KCND2: variants seen among roughly 807,000 people sequenced by gnomAD.
KCND2 encodes the protein potassium voltage-gated channel subfamily D member 2.
KCND2 carries 16 observed loss-of-function variants against 54.4 expected under a neutral mutation model. The observed-to-expected ratio is 0.29, with a 90% CI of 0.20 to 0.45. KCND2 has a LOEUF of 0.45. Ranked by LOEUF, KCND2 falls within the 20% of genes least tolerant of loss-of-function variation. The probability of loss-of-function intolerance (pLI) is 1.00; values close to 1 mark genes in which losing one functional copy is unlikely to be tolerated. For synonymous variants in KCND2, 317 were observed against 310.7 expected (o/e 1.02, Z -0.21); for missense variants, 486 against 824.2 (o/e 0.59, Z 5.02).
At chr7:120,335,932 A>G (rs1800145578) in intron 1 of KCND2, among the ~76,000 whole-genome samples, 1 of 152,212 alleles carries the variant, frequency 6.6e-6, no homozygotes, top group Non-Finnish European at 1.5e-5. Flanking sequence ...TTTTTCTAGT[A>G]TGCTCAAATA....
At chr7:120,650,420 C>CT (rs201829765) in intron 1 of KCND2, among the ~76,000 whole-genome samples, 45,145 of 142,148 alleles carry the variant, frequency 0.32, 14,514 homozygotes, top group African/African-American at 0.7. Flanking sequence ...GCTACTGAAG[C>CT]TGTGCATTTG....
At chr7:120,657,000 A>G (rs539291463) in intron 1 of KCND2, among the ~76,000 whole-genome samples, 1 of 152,320 alleles carries the variant, frequency 6.6e-6, no homozygotes, top group East Asian at 1.9e-4. Flanking sequence ...TCACATCCCA[A>G]GAAAACTTTT....
At chr7:120,273,124 G>A (rs1050700746), upstream of KCND2, among the ~76,000 whole-genome samples, 7 of 152,190 alleles carry the variant, frequency 4.6e-5, no homozygotes, top group Non-Finnish European at 7.3e-5. Flanking sequence ...GAGCCCGAGG[G>A]GGCGGGGGCG....
At chr7:120,480,180 G>A (rs925659858) in intron 1 of KCND2, among the ~76,000 whole-genome samples, 2 of 151,872 alleles carry the variant, frequency 1.3e-5, no homozygotes, top group Admixed American at 6.6e-5. Flanking sequence ...TTAAAATGTA[G>A]GCTAGAGATT....
At chr7:120,523,225 T>G (rs1371062410) in intron 1 of KCND2, among the ~76,000 whole-genome samples, 3 of 152,152 alleles carry the variant, frequency 2.0e-5, no homozygotes, top group Non-Finnish European at 4.4e-5. Flanking sequence ...GCTAAATGCT[T>G]TAACATTAAC....
intron 1 of KCND2, among the ~76,000 whole-genome samples, chr7:120,290,229 T>C (rs1276078319): frequency 6.6e-6 from 1 of 152,014 alleles, no homozygotes; most frequent in Non-Finnish European, 1.5e-5. Context: ...TTTATATCAC[T>C]CATAACCCTT....
chr7:120,621,276 CAAAA>C (rs1175736454), intron 1 of KCND2, among the ~76,000 whole-genome samples: 652 of 47,098 alleles, frequency 0.014, 8 homozygotes, highest in Admixed American at 0.084. Flanking sequence ...GACTCCGTCT[CAAAA>C]AAAAAAAAAA....
chr7:120,700,378 A>G (rs1792385504), intron 1 of KCND2, among the ~76,000 whole-genome samples: 1 of 152,236 alleles, frequency 6.6e-6, no homozygotes, highest in African/African-American at 2.4e-5. Context: ...AAGTTGCCCC[A>G]GACCTTATTG....
chr7:120,573,111 A>G (rs1015934758), intron 1 of KCND2, among the ~76,000 whole-genome samples: 1 of 152,230 alleles, frequency 6.6e-6, no homozygotes, highest in African/African-American at 2.4e-5. Flanking sequence ...TTTCCCAATT[A>G]CAATTCTCGA....
At chr7:120,332,940 C>G (rs1303433231) in intron 1 of KCND2, among the ~76,000 whole-genome samples, 1 of 152,048 alleles carries the variant, frequency 6.6e-6, no homozygotes, top group African/African-American at 2.4e-5. Flanking sequence ...ACTTATTTAA[C>G]CCATTCAAAA....
intron 1 of KCND2, among the ~76,000 whole-genome samples, chr7:120,538,323 G>A (rs1584818800): frequency 6.6e-6 from 1 of 152,278 alleles, no homozygotes; most frequent in East Asian, 1.9e-4. Context: ...AAAGATCACT[G>A]ATCACAGATT....
chr7:120,343,442 G>A (rs1296513523), intron 1 of KCND2, among the ~76,000 whole-genome samples: 1 of 152,140 alleles, frequency 6.6e-6, no homozygotes, highest in Non-Finnish European at 1.5e-5. Flanking sequence ...GACCTTAAAC[G>A]ACACATCAAT....
intron 1 of KCND2, among the ~76,000 whole-genome samples, chr7:120,364,224 A>G (rs1438567939): frequency 6.6e-6 from 1 of 152,128 alleles, no homozygotes; most frequent in African/African-American, 2.4e-5. Flanking sequence ...TCAATTTTGT[A>G]CTTTGTTTTA....
intron 1 of KCND2, among the ~76,000 whole-genome samples, chr7:120,385,491 G>A (rs1407072883): frequency 6.6e-6 from 1 of 151,958 alleles, no homozygotes; most frequent in Non-Finnish European, 1.5e-5. Context: ...TACCCCCAAC[G>A]TAAGCAAAAC....
At chr7:120,631,857 G>A (rs17142871) in intron 1 of KCND2, among the ~76,000 whole-genome samples, 58,437 of 151,894 alleles carry the variant, frequency 0.38, 13,176 homozygotes, top group African/African-American at 0.61. Flanking sequence ...CATTTTGAAA[G>A]TTTCTTACTA....
chr7:120,315,048 G>A (rs1325612273), intron 1 of KCND2, among the ~76,000 whole-genome samples: 1 of 151,700 alleles, frequency 6.6e-6, no homozygotes, highest in Non-Finnish European at 1.5e-5. Flanking sequence ...AAAGATATAT[G>A]GAAGTAAATT....
chr7:120,393,757 T>A (rs759161421), intron 1 of KCND2, among the ~76,000 whole-genome samples: 1 of 152,024 alleles, frequency 6.6e-6, no homozygotes, highest in Non-Finnish European at 1.5e-5. Flanking sequence ...TCAAGCAACA[T>A]GGTGAATAAA....
intron 1 of KCND2, among the ~76,000 whole-genome samples, chr7:120,336,767 CAGCT>C (rs1430663058): frequency 6.6e-6 from 1 of 151,974 alleles, no homozygotes; most frequent in Non-Finnish European, 1.5e-5. Context: ...GCATACATAT[CAGCT>C]AGGATGTGTG....
intron 1 of KCND2, among the ~76,000 whole-genome samples, chr7:120,515,015 T>G (rs891669942): frequency 2.7e-5 from 4 of 150,880 alleles, no homozygotes; most frequent in African/African-American, 9.7e-5. Flanking sequence ...GTTGCATTTT[T>G]TAAACTTTTT....
Sources: gnomAD v4.1 joint callset for allele counts (sites outside exome capture counted in the v4.1 genomes callset) on GRCh38, gnomAD v4.1.1 for gene constraint, MANE v1.5 for transcripts, NCBI Gene and HGNC (gene_info 2026-07-23, HGNC 2026-07-21) for gene names.